The following DNAJC24 variants were observed in gnomAD, a reference collection of about 807,000 sequenced individuals.
DNAJC24 encodes the protein DnaJ heat shock protein family (Hsp40) member C24, also known as dnaJ homolog subfamily C member 24.
DNAJC24 carries 17 observed loss-of-function variants against 18.0 expected under a neutral mutation model. That is an observed-to-expected ratio of 0.94 (90% CI 0.65 to 1.42). The LOEUF is 1.42. Ranked by LOEUF, DNAJC24 falls within the 40% of genes most tolerant of loss-of-function variation. DNAJC24 has a pLI of 0.00. For missense variants in DNAJC24, 158 were observed against 175.6 expected (o/e 0.90, Z 0.57); for synonymous variants, 55 against 57.7 (o/e 0.95, Z 0.21).
Position 31,430,267 on chromosome 11 carries a change from G to C in DNAJC24, c.320-4G>C. On this transcript the variant is annotated splice_polypyrimidine_tract_variant and splice_region_variant and intron_variant, in intron 4 of 4. Coordinates refer to ENST00000465995, the MANE Select transcript of DNAJC24 (RefSeq NM_181706.5). The stretch of plus-strand genomic sequence containing the variant: ...TTGAAAGATTATTTTGTTTTCTTTT[G>C]CAGGTGATCACTCTTTTTATCTGAG... 6.2e-7 allele frequency: 1 copy of C among 1,600,224 alleles called. No homozygotes were observed. Among genetic ancestry groups the C allele is most frequent in the Non-Finnish European group, 8.5e-7 (1 of 1,171,558 alleles).
chr11:31,392,295 G>A (rs1467979519), intron 2 of DNAJC24, among the ~76,000 whole-genome samples: 2 of 152,102 alleles, frequency 1.3e-5, no homozygotes, highest in African/African-American at 4.8e-5. Flanking sequence ...TTGAGGTGAT[G>A]GTTACCCCAT....
intron 2 of DNAJC24, among the ~76,000 whole-genome samples, chr11:31,393,231 T>C (rs1445187021): frequency 1.3e-5 from 2 of 152,066 alleles, no homozygotes; most frequent in Non-Finnish European, 1.5e-5. Context: ...TTCAGGTTGT[T>C]TGGGCAGGGG....
intron 3 of DNAJC24, among the ~76,000 whole-genome samples, chr11:31,419,967 T>C (rs1409154414): frequency 1.3e-5 from 2 of 152,098 alleles, no homozygotes; most frequent in Non-Finnish European, 2.9e-5. Context: ...CCTTCCATTC[T>C]CTATTGCTGC....
chr11:31,395,933 A>G (rs1295099665), intron 2 of DNAJC24, among the ~76,000 whole-genome samples: 2 of 152,210 alleles, frequency 1.3e-5, no homozygotes, highest in African/African-American at 4.8e-5. Context: ...TATCTCTTGT[A>G]TCTTTAATTT....
In DNAJC24 at chr11:31,426,311, C is replaced by T. The variant is rs1271797630; in HGVS notation, c.275C>T (p.Pro92Leu). The part of the protein sequence containing the change: ...RCEDDLRNVG[P>L]VDAQVYLEEM... ...GAAGATGATCTAAGAAATGTAGGACCAGTAGATGCTCAAGTATATCTTGAA... is the reference window on the plus strand; with the variant it reads ...GAAGATGATCTAAGAAATGTAGGACTAGTAGATGCTCAAGTATATCTTGAA... The change falls in exon 4 of 5, where the codon CCA (proline) becomes CTA (leucine). Residue 92 changes from proline to leucine, a missense_variant. By Grantham distance (98) the Pro-to-Leu change is moderately conservative. Transcript: ENST00000465995. 9.6e-6 allele frequency: 15 copies of T among 1,566,298 alleles called. No individual in the cohort carries two copies. The East Asian group carries it at 2.8e-4, about 29-fold the overall frequency.
chr11:31,427,740 G>A, intron 4 of DNAJC24: 1 of 151,514 alleles, frequency 6.6e-6, no homozygotes, highest in East Asian at 1.9e-4. Context: ...AATATATTTT[G>A]TTTATGACTG....
chr11:31,381,568 A>G (rs1434638482), intron 2 of DNAJC24, among the ~76,000 whole-genome samples: 3 of 151,610 alleles, frequency 2.0e-5, no homozygotes, highest in Non-Finnish European at 4.4e-5. Flanking sequence ...GGTTATCTCA[A>G]AAAAAAATTT....
intron 2 of DNAJC24, among the ~76,000 whole-genome samples, chr11:31,385,619 T>G (rs970687832): frequency 6.6e-6 from 1 of 152,224 alleles, no homozygotes; most frequent in African/African-American, 2.4e-5. Flanking sequence ...TTTTCTAAGT[T>G]AAGTAAACTA....
At chr11:31,408,234 G>A (rs887710313) in intron 2 of DNAJC24, 2 of 455,626 alleles carry the variant, frequency 4.4e-6, no homozygotes, top group Non-Finnish European at 8.8e-6. Context: ...AAGCAGTCAA[G>A]GCAAACAGTG....
intron 2 of DNAJC24, among the ~76,000 whole-genome samples, chr11:31,373,171 G>A (rs1367583838): frequency 7.4e-6 from 1 of 134,420 alleles, no homozygotes; most frequent in African/African-American, 2.5e-5. Context: ...TTGATGCAGA[G>A]TTTTTTGTTT....
intron 3 of DNAJC24, chr11:31,422,270 G>A: frequency 5.8e-6 from 1 of 171,084 alleles, no homozygotes; most frequent in South Asian, 1.3e-4. Flanking sequence ...CACAGCACAG[G>A]GTATGAACAG....
At chr11:31,381,580 T>G (rs1952377169) in intron 2 of DNAJC24, among the ~76,000 whole-genome samples, 1 of 151,680 alleles carries the variant, frequency 6.6e-6, no homozygotes, top group Non-Finnish European at 1.5e-5. Context: ...AAAAAATTTT[T>G]TTTTTTTTTT....
chr11:31,411,371 G>A (rs1409220714), intron 2 of DNAJC24, among the ~76,000 whole-genome samples: 17 of 152,162 alleles, frequency 1.1e-4, no homozygotes. Flanking sequence ...TTTGGACTGG[G>A]TTTTAATTTC....
At chr11:31,377,508 TC>T (rs1952329519) in intron 2 of DNAJC24, among the ~76,000 whole-genome samples, 2 of 152,108 alleles carry the variant, frequency 1.3e-5, no homozygotes, top group Non-Finnish European at 2.9e-5. Context: ...CCAACATTTT[TC>T]AGCACTGTTT....
At chr11:31,397,501 C>A (rs1238531948) in intron 2 of DNAJC24, among the ~76,000 whole-genome samples, 1 of 144,024 alleles carries the variant, frequency 6.9e-6, no homozygotes. Flanking sequence ...TTTCAGCTTT[C>A]ATAATCTTAA....
chr11:31,371,003 A>G (rs1303818690), intron 2 of DNAJC24, 144 bp downstream of exon 2: 1 of 581,642 alleles, frequency 1.7e-6, no homozygotes, highest in Non-Finnish European at 3.0e-6. Flanking sequence ...TTTCAGTAAT[A>G]TTGCAGAAAA....
At chr11:31,422,389 A>G (rs1409023270) in intron 3 of DNAJC24, among the ~76,000 whole-genome samples, 1 of 152,194 alleles carries the variant, frequency 6.6e-6, no homozygotes, top group Non-Finnish European at 1.5e-5. Flanking sequence ...CATATGCCAG[A>G]CAATGCTTTT....
intron 4 of DNAJC24, chr11:31,426,572 A>G (rs1263810289): frequency 1.7e-5 from 7 of 402,548 alleles, no homozygotes; most frequent in Admixed American, 4.3e-5. Context: ...AGTTATTTTT[A>G]TATTCTAATT....
At chr11:31,382,357 A>G (rs1382935106) in intron 2 of DNAJC24, among the ~76,000 whole-genome samples, 3 of 152,346 alleles carry the variant, frequency 2.0e-5, no homozygotes, top group East Asian at 3.9e-4. Context: ...CATAAAGACT[A>G]AATGAAAGAA....
Sources: allele counts gnomAD v4.1 joint callset (sites outside exome capture counted in the v4.1 genomes callset), GRCh38; gene constraint gnomAD v4.1.1; transcripts MANE v1.5; gene names NCBI Gene and HGNC (gene_info 2026-07-23, HGNC 2026-07-21).